Variants in MEI4 observed in about 807,000 individuals in gnomAD.
The protein encoded by MEI4 is meiotic double-stranded break formation protein 4, also known as meiosis-specific protein MEI4.
A neutral mutation model predicts 31.4 loss-of-function variants in MEI4; 27 were observed. The observed-to-expected ratio is 0.86, with a 90% CI of 0.63 to 1.19. The LOEUF (loss-of-function observed/expected upper bound fraction) is 1.19. Ranked by LOEUF, MEI4 falls within the 50% of genes most tolerant of loss-of-function variation. The pLI, the probability that MEI4 is intolerant of heterozygous loss-of-function variation, is 0.00. For missense variants in MEI4, 329 were observed against 398.9 expected, an observed-to-expected ratio of 0.82 and a Z score of 1.49; for synonymous variants, 122 against 145.4, an observed-to-expected ratio of 0.84 and a Z score of 1.16.
At chr6:77,664,171 C>A (rs1296619813) in intron 1 of MEI4, among the ~76,000 whole-genome samples, 1 of 152,044 alleles carries the variant, frequency 6.6e-6, no homozygotes, top group Non-Finnish European at 1.5e-5. Flanking sequence ...ACCTTGAAGG[C>A]GAGGTTAATT....
chr6:77,839,085 G>C (rs1415928390), intron 4 of MEI4, among the ~76,000 whole-genome samples: 1 of 152,044 alleles, frequency 6.6e-6, no homozygotes, highest in Non-Finnish European at 1.5e-5. Context: ...TTGTACTTGA[G>C]AGTAGCAAAA....
intron 4 of MEI4, among the ~76,000 whole-genome samples, chr6:77,898,694 C>G (rs1766131809): frequency 6.6e-6 from 1 of 152,028 alleles, no homozygotes; most frequent in South Asian, 2.1e-4. Flanking sequence ...TGAACTGTTA[C>G]ATTTTTATAT....
intron 2 of MEI4, among the ~76,000 whole-genome samples, chr6:77,708,993 C>T (rs970687750): frequency 1.3e-5 from 2 of 152,246 alleles, no homozygotes; most frequent in Non-Finnish European, 1.5e-5. Context: ...TCTTTTGTTA[C>T]AGTAATATTG....
chr6:77,836,357 C>T (rs1770219061), intron 4 of MEI4, among the ~76,000 whole-genome samples: 1 of 152,124 alleles, frequency 6.6e-6, no homozygotes, highest in East Asian at 1.9e-4. Context: ...TACATGCATA[C>T]TTATATTAAA....
At chr6:77,788,368 C>T (rs1163086598) in intron 3 of MEI4, among the ~76,000 whole-genome samples, 4 of 152,190 alleles carry the variant, frequency 2.6e-5, no homozygotes, top group African/African-American at 9.7e-5. Flanking sequence ...TCTCTCACCA[C>T]TCCTATTCAA....
chr6:77,905,475 CTTTTTTTTTTTTTTTTTT>C (rs70974691), intron 4 of MEI4, among the ~76,000 whole-genome samples: 715 of 93,306 alleles, frequency 7.7e-3, no homozygotes, highest in Non-Finnish European at 0.012. Flanking sequence ...AAATTTTCAG[CTTTTTTTTTTTTTTTTTT>C]TTTTTTTTTT....
chr6:77,803,764 G>A (rs1195117885), intron 3 of MEI4, among the ~76,000 whole-genome samples: 1 of 152,184 alleles, frequency 6.6e-6, no homozygotes, highest in Admixed American at 6.5e-5. Context: ...CTGGGTATCA[G>A]CAGCGGAGTC....
At chr6:77,849,216 T>G (rs985021627) in intron 4 of MEI4, among the ~76,000 whole-genome samples, 1 of 152,132 alleles carries the variant, frequency 6.6e-6, no homozygotes, top group Non-Finnish European at 1.5e-5. Flanking sequence ...ATATTCAGAT[T>G]TATAAATAGA....
Position 77,863,207 on chromosome 6 carries a change from A to G in MEI4, c.900+34145A>G, listed in dbSNP as rs113622606. Among the ~76,000 whole-genome samples the G allele has an allele frequency of 9.1e-3, 1,391 of 152,296 alleles. 17 individuals carry two copies. Among genetic ancestry groups the G allele is most frequent in the African/African-American group, 0.031 (1,287 of 41,554 alleles). On this transcript the variant is annotated intron_variant, in intron 4 of 4. Transcript: ENST00000684080. ...CTCCTCCAAAGCAACGCAGCTCCTC[A>G]CCAGCAATGGAACAAAGCTGGATAG...
At chr6:77,922,270 A>AATT (rs1484330976) in intron 4 of MEI4, among the ~76,000 whole-genome samples, 1 of 151,342 alleles carries the variant, frequency 6.6e-6, no homozygotes, top group African/African-American at 2.4e-5. Flanking sequence ...TTTCTTAATG[A>AATT]ATTTGAACAA....
chr6:77,917,734 G>T (rs1330335038), intron 4 of MEI4, among the ~76,000 whole-genome samples: 1 of 148,916 alleles, frequency 6.7e-6, no homozygotes, highest in African/African-American at 2.5e-5. Context: ...TCACTCTGAT[G>T]GTAGTTTCTT....
At chr6:77,919,825 C>G (rs1418918918) in intron 4 of MEI4, among the ~76,000 whole-genome samples, 1 of 148,778 alleles carries the variant, frequency 6.7e-6, no homozygotes, top group African/African-American at 2.5e-5. Context: ...ATATCACCAC[C>G]GATCCCACAG....
At chr6:77,749,299 A>G (rs1300249608) in intron 2 of MEI4, among the ~76,000 whole-genome samples, 4 of 152,160 alleles carry the variant, frequency 2.6e-5, no homozygotes, top group African/African-American at 4.8e-5. Flanking sequence ...TAGGCTTCAG[A>G]AGGTGGGTAA....
intron 4 of MEI4, among the ~76,000 whole-genome samples, chr6:77,845,732 C>A (rs1364226617): frequency 1.3e-5 from 2 of 151,580 alleles, no homozygotes; most frequent in Non-Finnish European, 2.9e-5. Context: ...TATTTTAATA[C>A]CTAATTATTT....
At chr6:77,773,080 A>C (rs765741046) in intron 3 of MEI4, among the ~76,000 whole-genome samples, 3 of 152,040 alleles carry the variant, frequency 2.0e-5, no homozygotes, top group Non-Finnish European at 2.9e-5. Flanking sequence ...ATGTTCATGG[A>C]TTGGAATAAT....
At chr6:77,727,738 T>C (rs575061864) in intron 2 of MEI4, among the ~76,000 whole-genome samples, 61 of 152,334 alleles carry the variant, frequency 4.0e-4, no homozygotes, top group East Asian at 1.9e-4. Context: ...ATGTGTCAGA[T>C]GTAAAAACAT....
At chr6:77,673,913 G>A (rs982355278) in intron 1 of MEI4, among the ~76,000 whole-genome samples, 1 of 152,126 alleles carries the variant, frequency 6.6e-6, no homozygotes, top group African/African-American at 2.4e-5. Context: ...TAATGTAAAT[G>A]TGCATATATT....
At chr6:77,754,617 G>A (rs1019835569) in intron 2 of MEI4, among the ~76,000 whole-genome samples, 1 of 152,160 alleles carries the variant, frequency 6.6e-6, no homozygotes, top group Non-Finnish European at 1.5e-5. Flanking sequence ...ACTCTATGCA[G>A]TACCAATTTC....
chr6:77,702,086 T>C (rs1766238818), intron 2 of MEI4, among the ~76,000 whole-genome samples: 3 of 152,188 alleles, frequency 2.0e-5, no homozygotes, highest in African/African-American at 7.2e-5. Flanking sequence ...AGTTTTTAGC[T>C]AGACTAGTGG....
Sources: allele counts gnomAD v4.1 joint callset (sites outside exome capture counted in the v4.1 genomes callset), GRCh38; gene constraint gnomAD v4.1.1; transcripts MANE v1.5; gene names NCBI Gene and HGNC (gene_info 2026-07-23, HGNC 2026-07-21).